Variants in MAP3K10 observed in about 807,000 individuals in gnomAD.
MAP3K10 encodes the protein MKN28 derived nonreceptor_type serine/threonine kinase.
In MAP3K10, 22 loss-of-function variants were observed where a neutral mutation model predicts 75.0. The observed-to-expected ratio is 0.29, with a 90% CI of 0.21 to 0.42. The LOEUF is 0.42. MAP3K10 is among the 10% of genes least tolerant of loss of function. The pLI, the probability that MAP3K10 is intolerant of heterozygous loss-of-function variation, is 1.00. For missense variants in MAP3K10, 1,165 were observed against 1,379.8 expected, an observed-to-expected ratio of 0.84 and a Z score of 2.47; for synonymous variants, 599 against 612.9, an observed-to-expected ratio of 0.98 and a Z score of 0.34.
intron 5 of MAP3K10, among the ~76,000 whole-genome samples, chr19:40,206,752 G>A (rs1192999455): frequency 1.4e-4 from 21 of 152,216 alleles, no homozygotes; most frequent in Non-Finnish European, 2.4e-4. Flanking sequence ...TGACACTTAG[G>A]ACAGTCACTT....
At chr19:40,193,549 C>T (rs1317460783) in intron 1 of MAP3K10, among the ~76,000 whole-genome samples, 4 of 152,144 alleles carry the variant, frequency 2.6e-5, no homozygotes, top group Non-Finnish European at 5.9e-5. Context: ...AGCAGGAGCC[C>T]AGCTGGGAGT....
At chr19:40,214,338 G>A in intron 9 of MAP3K10, 117 bp downstream of exon 9, 1 of 1,209,808 alleles carries the variant, frequency 8.3e-7, no homozygotes, top group Non-Finnish European at 1.1e-6. Flanking sequence ...TTCTTGTGGA[G>A]GAGGGAGGGT....
At chr19:40,208,230 G>A (rs890472831) in intron 5 of MAP3K10, among the ~76,000 whole-genome samples, 1 of 151,388 alleles carries the variant, frequency 6.6e-6, no homozygotes, top group African/African-American at 2.4e-5. Flanking sequence ...GGAGTGCAGT[G>A]GCATGATCTC....
chr19:40,214,002 T>TCCCCCCCACCCACCCCCCCCCCCCC lies in MAP3K10; in HGVS notation c.2327_2328insCCCACCCACCCCCCCCCCCCCCCCC (p.Ser779ThrfsTer81). ...TGACGAGGCCGCACCGGCCGCGCCC[T>TCCCCCCCACCCACCCCCCCCCCCCC]CCCCACCACCCTCCCCGCCCGCGCC... On this transcript the variant is annotated frameshift_variant, in exon 9 of 10. Transcript: ENST00000253055. LOFTEE classifies it high-confidence loss of function. 7 of 1,493,668 alleles carry TCCCCCCCACCCACCCCCCCCCCCCC rather than the reference T, an allele frequency of 4.7e-6. No individual in the cohort carries two copies. Among genetic ancestry groups the TCCCCCCCACCCACCCCCCCCCCCCC allele is most frequent in the African/African-American group, 1.5e-5 (1 of 67,948 alleles). 92.5% of individuals were successfully genotyped at this position (1,493,668 alleles called of 1,614,324 possible). A position where few individuals can be genotyped will look rare whatever the true frequency, so the allele number is the denominator to read the frequency against.
In MAP3K10 at chr19:40,204,298, G is replaced by T. The variant is rs1973075390; in HGVS notation, c.864-187G>T. Among the ~76,000 whole-genome samples, 1 of 152,214 alleles carries T rather than the reference G, an allele frequency of 6.6e-6. No individual in the cohort carries two copies. The highest frequency in any genetic ancestry group is 2.1e-4 in the South Asian group (1 of 4,834). On this transcript the variant is annotated intron_variant, in intron 2 of 9. Transcript: ENST00000253055. This position sits in a 1 kb window ranked among gnomAD's most constrained non-coding sequence, Gnocchi z 4.3. ...CAGGCCGAGCAAAGGAGAGACATCA[G>T]AGAGCCAAACCCACCCCATCTATTG... is the stretch of plus-strand genomic sequence containing the variant.
rs1410291514 is a variant in MAP3K10 at position 40,214,189 on chromosome 19, G to A, written c.2510G>A (p.Arg837Gln). ...RTPSDGALGQ[R>Q]GPPEPAGHGP... ...CCATCGGACGGGGCGCTGGGGCAGC[G>A]GGGGCCGCCCGAGCCCGCGGGCCAT... is the stretch of plus-strand genomic sequence containing the variant. Residue 837 changes from arginine (R) to glutamine (Q), a missense_variant, in exon 9 of 10, where the codon CGG becomes CAG. Physicochemically the swap from Arg to Gln is conservative, Grantham distance 43. Transcript: ENST00000253055. The A allele has an allele frequency of 1.4e-6, 2 of 1,453,176 alleles. No homozygotes were observed. Among genetic ancestry groups the A allele is most frequent in the Non-Finnish European group, 9.0e-7 (1 of 1,112,994 alleles). The allele number at this position is 1,453,176 out of a possible 1,614,324, so 90.0% of individuals were successfully genotyped here.
chr19:40,211,172 G>A (rs1973230757), intron 6 of MAP3K10, among the ~76,000 whole-genome samples: 1 of 152,162 alleles, frequency 6.6e-6, no homozygotes, highest in South Asian at 2.1e-4. Context: ...AAAAGCTGGA[G>A]GTGAGAACAG....
At position 40,205,023 on chromosome 19, in the gene MAP3K10, C is replaced by A. The variant is rs960917389; in HGVS notation, c.1013-98C>A. ...TCCATAGCAGCTGTTTGTCTGCCAT[C>A]CCCAGAAATTCTGCCTTCCTCTGAG... On this transcript the variant is annotated intron_variant, in intron 3 of 9. Coordinates refer to ENST00000253055, the MANE Select transcript of MAP3K10 (RefSeq NM_002446.4). The surrounding 1 kb of genome is among the most constrained non-coding windows in gnomAD (Gnocchi z 4.3). 9.1e-7 allele frequency: 1 copy of A among 1,097,082 alleles called. No homozygotes were observed. Among genetic ancestry groups the A allele is most frequent in the South Asian group, 1.4e-5 (1 of 72,564 alleles). The allele number at this position is 1,097,082 out of a possible 1,614,324, so 68.0% of individuals were successfully genotyped here. A position where few individuals can be genotyped will look rare whatever the true frequency, so the allele number is the denominator to read the frequency against.
intron 5 of MAP3K10, among the ~76,000 whole-genome samples, chr19:40,208,632 G>T (rs1259948360): frequency 6.6e-6 from 1 of 151,050 alleles, no homozygotes; most frequent in East Asian, 2.0e-4. Flanking sequence ...GAGGCCAAGA[G>T]TTCAAGACCA....
Position 40,192,095 on chromosome 19 carries a change from A to C in MAP3K10, c.64A>C (p.Thr22Pro). The C allele has an allele frequency of 6.5e-7, 1 of 1,546,416 alleles. No individual in the cohort carries two copies. The highest frequency in any genetic ancestry group is 8.7e-7 in the Non-Finnish European group (1 of 1,149,726). Reference sequence around the variant, plus strand: ...CACGACCCCCGCGGGGCCCGTCTGGACCGCGGTGTTCGACTACGAGGCGGC... The same window carrying C: ...CACGACCCCCGCGGGGCCCGTCTGGCCCGCGGTGTTCGACTACGAGGCGGC... ...WGTTPAGPVW[T>P]AVFDYEAAGD... Residue 22 changes from threonine to proline, a missense_variant, in exon 1 of 10, where the codon ACC (threonine) becomes CCC (proline). Physicochemically the swap from Thr to Pro is conservative, Grantham distance 38. Around this residue, in one of 2 missense-constraint regions of MAP3K10, gnomAD observed 575 missense variants for 793.2 expected, o/e 0.72. Coordinates refer to ENST00000253055, the MANE Select transcript of MAP3K10 (RefSeq NM_002446.4). This position sits in a 1 kb window ranked among gnomAD's most constrained non-coding sequence, Gnocchi z 7.1.
In MAP3K10 at chr19:40,192,073, G is replaced by T. The variant is rs1378655640; in HGVS notation, c.42G>T (p.Thr14=). The change falls in exon 1 of 10, where the codon ACG becomes ACT. Residue 14 remains threonine, a synonymous_variant. Coordinates refer to ENST00000253055, the MANE Select transcript of MAP3K10 (RefSeq NM_002446.4). This position sits in a 1 kb window ranked among gnomAD's most constrained non-coding sequence, Gnocchi z 7.1. ...GGGCGGTGGCCAAGGAGTGGGGCACGACCCCCGCGGGGCCCGTCTGGACCG... is the reference window on the plus strand; with the variant it reads ...GGGCGGTGGCCAAGGAGTGGGGCACTACCCCCGCGGGGCCCGTCTGGACCG... ...EEGAVAKEWG[T]TPAGPVWTAV... is the part of the protein sequence containing the mutation. The T allele has an allele frequency of 2.0e-6, 3 of 1,492,058 alleles. No individual in the cohort carries two copies. 92.4% of individuals were successfully genotyped at this position (1,492,058 alleles called of 1,614,324 possible).
Position 40,198,833 on chromosome 19 carries a change from C to T in MAP3K10, c.863+278C>T, listed in dbSNP as rs545837247. Among the ~76,000 whole-genome samples the T allele has an allele frequency of 6.6e-6, 1 of 152,322 alleles. No homozygotes were observed. The highest frequency in any genetic ancestry group is 1.9e-4 in the East Asian group (1 of 5,182). ...CTGTAATCCCAGCACTTTGGGAGGC[C>T]GAGGTGGGCGGATCACTTGAGGTCA... On this transcript the variant is annotated intron_variant, in intron 2 of 9. Coordinates refer to ENST00000253055, the MANE Select transcript of MAP3K10 (RefSeq NM_002446.4). The surrounding 1 kb of genome is among the most constrained non-coding windows in gnomAD (Gnocchi z 4.3).
At chr19:40,195,008 C>T (rs148580077) in intron 1 of MAP3K10, among the ~76,000 whole-genome samples, 1 of 152,028 alleles carries the variant, frequency 6.6e-6, no homozygotes, top group Non-Finnish European at 1.5e-5. Context: ...CAAAGGGGAC[C>T]CAGCTTTACA....
rs765128661 is a variant in MAP3K10 at position 40,192,369 on chromosome 19, A to G, written c.338A>G (p.Tyr113Cys). The part of the protein sequence containing the change: ...IIGVGGFGKV[Y>C]RALWRGEEVA... Reference sequence around the variant, plus strand: ...GGTGTGGGGGGCTTTGGCAAGGTCTATCGGGCCCTGTGGCGTGGCGAGGAG... The same window carrying G: ...GGTGTGGGGGGCTTTGGCAAGGTCTGTCGGGCCCTGTGGCGTGGCGAGGAG... Residue 113 changes from tyrosine to cysteine, a missense_variant, in exon 1 of 10, where the codon TAT becomes TGT. Tyr to Cys is a radical substitution (Grantham distance 194). Around this residue, in one of 2 missense-constraint regions of MAP3K10, gnomAD observed 575 missense variants for 793.2 expected, o/e 0.72. Transcript: ENST00000253055. This position sits in a 1 kb window ranked among gnomAD's most constrained non-coding sequence, Gnocchi z 7.1. 1.9e-6 allele frequency: 3 copies of G among 1,613,780 alleles called. No homozygotes were observed. Among genetic ancestry groups the G allele is most frequent in the Admixed American group, 1.7e-5 (1 of 60,004 alleles).
chr19:40,210,307 T>C (rs1320100011), intron 6 of MAP3K10, among the ~76,000 whole-genome samples: 4 of 151,134 alleles, frequency 2.6e-5, no homozygotes, highest in Non-Finnish European at 4.4e-5. Context: ...AGATGTATTA[T>C]GAGGGATTGG....
intron 1 of MAP3K10, among the ~76,000 whole-genome samples, chr19:40,196,334 G>C (rs1328819154): frequency 6.6e-6 from 1 of 152,140 alleles, no homozygotes; most frequent in African/African-American, 2.4e-5. Flanking sequence ...TGACTTCTGA[G>C]CCTCTGTTAG....
chr19:40,192,171 C>T lies in MAP3K10; in HGVS notation c.140C>T (p.Ser47Phe). 1 of 1,607,646 alleles carries T rather than the reference C, an allele frequency of 6.2e-7. No individual in the cohort carries two copies. The highest frequency in any genetic ancestry group is 1.7e-5 in the Admixed American group (1 of 59,370). Reference sequence around the variant, plus strand: ...AGGGGCGATCGCGTCCAGGTGCTTTCCCAAGACTGTGCGGTGTCCGGCGAC... The same window carrying T: ...AGGGGCGATCGCGTCCAGGTGCTTTTCCAAGACTGTGCGGTGTCCGGCGAC... ...LRRGDRVQVLSQDCAVSGDEG... is the reference protein window; with the variant it reads ...LRRGDRVQVLFQDCAVSGDEG... Residue 47 changes from serine to phenylalanine, a missense_variant, in exon 1 of 10, where the codon TCC becomes TTC. By Grantham distance (155) the Ser-to-Phe change is radical (BLOSUM62 -2). Around this residue, in one of 2 missense-constraint regions of MAP3K10, gnomAD observed 575 missense variants for 793.2 expected, o/e 0.72. Transcript: ENST00000253055. This position sits in a 1 kb window ranked among gnomAD's most constrained non-coding sequence, Gnocchi z 7.1.
At position 40,208,672 on chromosome 19, in the gene MAP3K10, T is replaced by TTATA. The variant is rs61540617; in HGVS notation, c.1436-416_1436-413dup. ...GGTCACCACAGTGAGAACTCATCCT[T>TTATA]TATATATATATATATATACAGTTTA... On this transcript the variant is annotated intron_variant, in intron 5 of 9. Transcript: ENST00000253055. Among the ~76,000 whole-genome samples the TTATA allele has an allele frequency of 8.5e-3, 1,245 of 146,050 alleles. 16 individuals carry two copies. Among genetic ancestry groups the TTATA allele is most frequent in the African/African-American group, 0.023 (936 of 39,936 alleles).
rs765803480 is a variant in MAP3K10, at chr19:40,192,059, A to C, written c.28A>C (p.Lys10Gln). Residue 10 changes from lysine to glutamine, a missense_variant, in exon 1 of 10, where the codon AAG becomes CAG. Physicochemically the swap from Lys to Gln is moderately conservative, Grantham distance 53 (BLOSUM62 1). Around this residue, in one of 2 missense-constraint regions of MAP3K10, gnomAD observed 575 missense variants for 793.2 expected, o/e 0.72. Coordinates refer to ENST00000253055, the MANE Select transcript of MAP3K10 (RefSeq NM_002446.4). This position sits in a 1 kb window ranked among gnomAD's most constrained non-coding sequence, Gnocchi z 7.1. ...GGAGGAGGAGGAGGGGGCGGTGGCCAAGGAGTGGGGCACGACCCCCGCGGG... is the reference window on the plus strand; with the variant it reads ...GGAGGAGGAGGAGGGGGCGGTGGCCCAGGAGTGGGGCACGACCCCCGCGGG... MEEEEGAVA[K>Q]EWGTTPAGPV... The C allele has an allele frequency of 1.0e-5, 15 of 1,458,350 alleles. No individual in the cohort carries two copies. In the South Asian group the frequency reaches 2.0e-4, roughly 19 times the overall value. The allele number at this position is 1,458,350 out of a possible 1,614,324, so 90.3% of individuals were successfully genotyped here.
Sources: allele counts gnomAD v4.1 joint callset (sites outside exome capture counted in the v4.1 genomes callset), GRCh38; gene constraint gnomAD v4.1.1; regional missense constraint gnomAD v4.1.1; non-coding constraint Gnocchi (gnomAD v3.1); transcripts MANE v1.5; gene names NCBI Gene and HGNC (gene_info 2026-07-23, HGNC 2026-07-21).